Variants in GGT1 observed in about 807,000 individuals in gnomAD.
GGT1 encodes gamma-glutamyltransferase 1.
Under a neutral mutation model 56.0 loss-of-function variants are expected in GGT1, and 21 were observed. The observed-to-expected ratio is 0.38, with a 90% CI of 0.27 to 0.54. GGT1 has a LOEUF of 0.54. GGT1 is among the 20% of genes least tolerant of loss of function. The pLI, the probability that GGT1 is intolerant of heterozygous loss-of-function variation, is 0.82. For synonymous variants in GGT1, 238 were observed against 342.6 expected (o/e 0.69, Z 3.37); for missense variants, 466 against 787.0 (o/e 0.59, Z 4.88).
chr22:24,586,458 C>T, the GGT1 span: 5 of 1,562,076 alleles, frequency 3.2e-6, no homozygotes, highest in South Asian at 1.2e-5. Context: ...CCAGGCAGTC[C>T]CCCCACTGAC....
chr22:24,621,499 G>C (rs1238744870), intron 9 of GGT1, among the ~76,000 whole-genome samples: 12 of 150,368 alleles, frequency 8.0e-5, no homozygotes, highest in African/African-American at 3.0e-4. Context: ...GTCTCCTTGA[G>C]AGAGGCATGG....
At chr22:24,602,675 G>T (rs2045804038), upstream of GGT1, among the ~76,000 whole-genome samples, 4 of 152,150 alleles carry the variant, frequency 2.6e-5, no homozygotes, top group South Asian at 8.3e-4. Flanking sequence ...CCTGGATTAT[G>T]TGACTCCCTT....
intron 5 of GGT1, among the ~76,000 whole-genome samples, chr22:24,614,497 T>G (rs1043637474): frequency 6.7e-6 from 1 of 148,696 alleles, no homozygotes; most frequent in Non-Finnish European, 1.5e-5. Context: ...GCACCTGTAG[T>G]CCCAGCTACT....
chr22:24,625,677 G>T (rs1490625270), intron 11 of GGT1, among the ~76,000 whole-genome samples: 8 of 151,898 alleles, frequency 5.3e-5, no homozygotes, highest in African/African-American at 1.9e-4. Context: ...GAGTAGCTGG[G>T]ATTACAGGCG....
At chr22:24,601,893 A>G (rs1025566845), upstream of GGT1, among the ~76,000 whole-genome samples, 1 of 152,108 alleles carries the variant, frequency 6.6e-6, no homozygotes, top group African/African-American at 2.4e-5. Context: ...TAGCACCCCA[A>G]TCAGCACTCC....
intron 11 of GGT1, 189 bp downstream of exon 11, chr22:24,624,105 A>T: frequency 2.0e-6 from 2 of 985,372 alleles, no homozygotes; most frequent in Non-Finnish European, 2.4e-6. Flanking sequence ...TGCCGCACAG[A>T]ACTGACAGTG....
rs1304696947 is a variant in GGT1, at chr22:24,606,000, TATATA to T, written c.-428-1948_-428-1944del. Among the ~76,000 whole-genome samples, 2 of 56,434 alleles carry T rather than the reference TATATA, an allele frequency of 3.5e-5. 1 individual carries two copies. Among genetic ancestry groups the T allele is most frequent in the Non-Finnish European group, 6.0e-5 (2 of 33,554 alleles). 37.0% of individuals were successfully genotyped at this position (56,434 alleles called of 152,430 possible). On this transcript the variant is annotated intron_variant, in intron 1 of 15. Coordinates refer to ENST00000400382, the MANE Select transcript of GGT1 (RefSeq NM_001288833.2). ...TATCATATATTATATTTATATAATT[TATATA>T]ATATATCATATATTATATTTATATA...
intron 11 of GGT1, among the ~76,000 whole-genome samples, chr22:24,625,138 T>A (rs1203823450): frequency 2.0e-5 from 3 of 152,222 alleles, no homozygotes; most frequent in African/African-American, 7.2e-5. Flanking sequence ...TTCTGAGGGA[T>A]TCCACAGTAG....
At chr22:24,589,624 C>T in the GGT1 span, 1 of 653,650 alleles carries the variant, frequency 1.5e-6, no homozygotes, top group South Asian at 2.3e-5. Context: ...CTGCAAAGCA[C>T]AGCTCACACT....
intron 7 of GGT1, among the ~76,000 whole-genome samples, chr22:24,617,611 G>A (rs1034468563): frequency 7.2e-5 from 11 of 151,932 alleles, no homozygotes; most frequent in African/African-American, 2.4e-4. Flanking sequence ...CTGATCTTTT[G>A]TCTGTACCTG....
chr22:24,625,012 AC>A, intron 11 of GGT1, among the ~76,000 whole-genome samples: 1 of 152,150 alleles, frequency 6.6e-6, no homozygotes, highest in Non-Finnish European at 1.5e-5. Flanking sequence ...ATGTAAAAAA[AC>A]CCCAAAACTG....
chr22:24,596,191 G>A (rs891389023), intron 1 of GGT1, among the ~76,000 whole-genome samples: 3 of 152,246 alleles, frequency 2.0e-5, no homozygotes, highest in Non-Finnish European at 2.9e-5. Flanking sequence ...CCACTTGTTG[G>A]ATGTGTAACC....
the GGT1 span, chr22:24,586,161 C>T: frequency 6.2e-7 from 1 of 1,613,502 alleles, no homozygotes; most frequent in East Asian, 2.2e-5. Context: ...AGCTTGCGGG[C>T]AGTGGCCCGC....
chr22:24,586,081 A>G, the GGT1 span: 29 of 1,612,384 alleles, frequency 1.8e-5, no homozygotes, highest in East Asian at 4.9e-4. Flanking sequence ...GGGAAGCCAC[A>G]TCCACGTTGT....
chr22:24,592,864 T>C (rs1383451259), upstream of GGT1: 2 of 1,280,352 alleles, frequency 1.6e-6, no homozygotes, highest in Non-Finnish European at 2.0e-6. Context: ...TTCTCTCGCC[T>C]GGCGCAGGAG....
upstream of GGT1, chr22:24,593,182 C>G (rs1244659283): frequency 5.7e-6 from 5 of 881,626 alleles, no homozygotes; most frequent in African/African-American, 1.8e-5. Context: ...CCCCACCCCG[C>G]GCCGGAGCGA....
intron 11 of GGT1, among the ~76,000 whole-genome samples, chr22:24,626,073 AG>A (rs2047739672): frequency 7.7e-6 from 1 of 130,274 alleles, no homozygotes; most frequent in East Asian, 2.1e-4. Flanking sequence ...GCTCACTGCA[AG>A]CTCCGCCTCC....
chr22:24,606,712 T>C (rs1306085328), intron 1 of GGT1, among the ~76,000 whole-genome samples: 4 of 151,994 alleles, frequency 2.6e-5, no homozygotes, highest in Non-Finnish European at 5.9e-5. Context: ...CAGAGCCCAT[T>C]TGAGAGCAGT....
At chr22:24,616,197 C>T (rs1467890551) in intron 7 of GGT1, among the ~76,000 whole-genome samples, 1 of 151,848 alleles carries the variant, frequency 6.6e-6, no homozygotes, top group East Asian at 1.9e-4. Flanking sequence ...GATGGATCAC[C>T]TAGGTCAGGA....
Sources: allele counts gnomAD v4.1 joint callset (sites outside exome capture counted in the v4.1 genomes callset), GRCh38; gene constraint gnomAD v4.1.1; transcripts MANE v1.5; gene names NCBI Gene and HGNC (gene_info 2026-07-23, HGNC 2026-07-21).